Variants in CMTM8 observed in about 807,000 individuals in gnomAD.
CMTM8 encodes the protein CKLF like MARVEL transmembrane domain containing 8.
CMTM8 carries 12 observed loss-of-function variants against 18.6 expected under a neutral mutation model. That is an observed-to-expected ratio of 0.65 (90% CI 0.41 to 1.05). The LOEUF is 1.05. CMTM8 is among the 50% of genes least tolerant of loss of function. The probability of loss-of-function intolerance (pLI) is 0.00; values close to 1 mark genes in which losing one functional copy is unlikely to be tolerated. For synonymous variants in CMTM8, 87 were observed against 90.6 expected, an observed-to-expected ratio of 0.96 and a Z score of 0.23; for missense variants, 217 against 227.2, an observed-to-expected ratio of 0.95 and a Z score of 0.29.
chr3:32,271,817 T>C (rs774582656), intron 1 of CMTM8, among the ~76,000 whole-genome samples: 2 of 152,226 alleles, frequency 1.3e-5, no homozygotes, highest in Non-Finnish European at 2.9e-5. Flanking sequence ...ACAGTATTTT[T>C]ATCCTGCTCC....
intron 1 of CMTM8, among the ~76,000 whole-genome samples, chr3:32,315,128 C>T (rs28655085): frequency 0.53 from 72,695 of 137,734 alleles, 19,448 homozygotes; most frequent in Middle Eastern, 0.68. Flanking sequence ...TCTTCTTCTT[C>T]TTTTTTTTTT....
chr3:32,341,537 A>G (rs1282413537), intron 1 of CMTM8, among the ~76,000 whole-genome samples: 1 of 152,242 alleles, frequency 6.6e-6, no homozygotes, highest in African/African-American at 2.4e-5. Flanking sequence ...ACTGAGGCAC[A>G]GAAGAGTTAA....
At chr3:32,356,696 A>G (rs951778850) in intron 1 of CMTM8, among the ~76,000 whole-genome samples, 4 of 152,198 alleles carry the variant, frequency 2.6e-5, no homozygotes, top group Non-Finnish European at 5.9e-5. Context: ...TCGTCCCTTG[A>G]AAGCAGATCA....
intron 1 of CMTM8, among the ~76,000 whole-genome samples, chr3:32,346,263 A>G (rs2125592173): frequency 6.6e-6 from 1 of 152,004 alleles, no homozygotes; most frequent in South Asian, 2.1e-4. Context: ...TACTCCCATA[A>G]CTCCCCATGT....
chr3:32,319,850 G>A (rs1696008148), intron 1 of CMTM8, among the ~76,000 whole-genome samples: 1 of 152,236 alleles, frequency 6.6e-6, no homozygotes, highest in African/African-American at 2.4e-5. Context: ...TGGAAGTATT[G>A]GTTTGTCAGC....
intron 1 of CMTM8, 22 bp downstream of exon 1, chr3:32,239,141 G>C (rs1417444354): frequency 6.3e-7 from 1 of 1,581,080 alleles, no homozygotes; most frequent in Non-Finnish European, 8.6e-7. Flanking sequence ...CGGGCCGGGG[G>C]TGGCGGGGGG....
intron 1 of CMTM8, among the ~76,000 whole-genome samples, chr3:32,318,676 C>G (rs1352259357): frequency 6.6e-6 from 1 of 151,076 alleles, no homozygotes; most frequent in Non-Finnish European, 1.5e-5. Flanking sequence ...ACACCATTCT[C>G]CTGCCTCAGC....
chr3:32,266,698 G>C (rs1702352224), intron 1 of CMTM8, among the ~76,000 whole-genome samples: 3 of 152,160 alleles, frequency 2.0e-5, no homozygotes, highest in Non-Finnish European at 4.4e-5. Context: ...TGTATATCTA[G>C]AAAACCCCAT....
intron 1 of CMTM8, among the ~76,000 whole-genome samples, chr3:32,300,960 CA>C (rs1276105844): frequency 0.054 from 5,330 of 99,580 alleles, 278 homozygotes; most frequent in African/African-American, 0.16. Context: ...AACTCCATCT[CA>C]AAAAAAAAAA....
rs1427461681 is a variant in CMTM8, at chr3:32,282,646, C to A, written c.147+43527C>A. Among the ~76,000 whole-genome samples the A allele has an allele frequency of 2.0e-5, 3 of 152,142 alleles. No individual in the cohort carries two copies. In the South Asian group the frequency reaches 6.2e-4, roughly 32 times the overall value. On this transcript the variant is annotated intron_variant, in intron 1 of 3. Transcript: ENST00000307526. Reference sequence around the variant, plus strand: ...CACCGGTCTGCTCTCAGCACAACAGCCAGAGATATCCTGGTAAGATGTGTC... The same window carrying A: ...CACCGGTCTGCTCTCAGCACAACAGACAGAGATATCCTGGTAAGATGTGTC...
At chr3:32,330,711 A>C (rs1178826579) in intron 1 of CMTM8, among the ~76,000 whole-genome samples, 2 of 152,050 alleles carry the variant, frequency 1.3e-5, no homozygotes, top group Non-Finnish European at 2.9e-5. Context: ...GGAAAAATGG[A>C]CAAACATACC....
chr3:32,275,786 A>ATTACAGG (rs1702508465), intron 1 of CMTM8, among the ~76,000 whole-genome samples: 1 of 151,182 alleles, frequency 6.6e-6, no homozygotes, highest in Non-Finnish European at 1.5e-5. Context: ...AGTAACTGGG[A>ATTACAGG]TTACAGGTGT....
rs1442045501 is a variant in CMTM8 at position 32,295,471 on chromosome 3, AAAAAAAACAAAAC to A, written c.147+56357_147+56369del. Among the ~76,000 whole-genome samples the A allele has an allele frequency of 1.4e-4, 20 of 140,904 alleles. 1 individual carries two copies. Among genetic ancestry groups the A allele is most frequent in the African/African-American group, 5.1e-4 (18 of 35,294 alleles). 92.4% of individuals were successfully genotyped at this position (140,904 alleles called of 152,430 possible). ...ACTCCATCTCAAAAAAAAAAAAAAA[AAAAAAAACAAAAC>A]AAAACAGCGGAAAGAGAAAATCCCT... On this transcript the variant is annotated intron_variant, in intron 1 of 3. Coordinates refer to ENST00000307526, the MANE Select transcript of CMTM8 (RefSeq NM_178868.5).
rs1054285017 is a variant in CMTM8 at position 32,239,128 on chromosome 3, C to T, written c.147+9C>T. ...TCATCGTGGCCGAGATCGTGAGTGC[C>T]GACGGGCCGGGGGTGGCGGGGGGCT... On this transcript the variant is annotated intron_variant, in intron 1 of 3. Transcript: ENST00000307526. 4 of 1,592,552 alleles carry T rather than the reference C, an allele frequency of 2.5e-6. No homozygotes were observed. Among genetic ancestry groups the T allele is most frequent in the Non-Finnish European group, 1.7e-6 (2 of 1,170,276 alleles).
chr3:32,335,987 A>G (rs1696378239), intron 1 of CMTM8, among the ~76,000 whole-genome samples: 1 of 152,190 alleles, frequency 6.6e-6, no homozygotes, highest in Non-Finnish European at 1.5e-5. Context: ...ACCAAGTGGG[A>G]GAGGCCCTCC....
intron 1 of CMTM8, among the ~76,000 whole-genome samples, chr3:32,294,265 C>T (rs937357829): frequency 4.6e-5 from 7 of 152,230 alleles, no homozygotes; most frequent in African/African-American, 1.7e-4. Context: ...CTGTGCACAT[C>T]TGTGTCCAGG....
At chr3:32,369,506 T>C (rs1214736640) in intron 3 of CMTM8, among the ~76,000 whole-genome samples, 1 of 152,134 alleles carries the variant, frequency 6.6e-6, no homozygotes, top group East Asian at 1.9e-4. Context: ...GGCTCATTGC[T>C]TACTCTGGCC....
chr3:32,298,953 A>T (rs1259062164), intron 1 of CMTM8, among the ~76,000 whole-genome samples: 3 of 133,150 alleles, frequency 2.3e-5, no homozygotes, highest in African/African-American at 8.2e-5. Context: ...ATATATATAT[A>T]TATTTTTTTT....
chr3:32,246,473 CA>C (rs1702017369), intron 1 of CMTM8, among the ~76,000 whole-genome samples: 2 of 152,148 alleles, frequency 1.3e-5, no homozygotes, highest in African/African-American at 4.8e-5. Flanking sequence ...TTCTGATTGC[CA>C]AGTACTGCCC....
Sources: allele counts gnomAD v4.1 joint callset (sites outside exome capture counted in the v4.1 genomes callset), GRCh38; gene constraint gnomAD v4.1.1; transcripts MANE v1.5; gene names NCBI Gene and HGNC (gene_info 2026-07-23, HGNC 2026-07-21).